TEX15: variants seen among roughly 807,000 people sequenced by gnomAD.
TEX15 encodes the protein testis-expressed protein 15.
In TEX15, 171 loss-of-function variants were observed where a neutral mutation model predicts 237.3. That is an observed-to-expected ratio of 0.72 (90% confidence interval 0.64 to 0.82). The LOEUF (loss-of-function observed/expected upper bound fraction) is 0.82. TEX15 is among the 40% of genes least tolerant of loss of function. TEX15 has a pLI of 0.00. For synonymous variants in TEX15, 1,338 were observed against 1,269.8 expected (o/e 1.05, Z -1.14); for missense variants, 3,750 against 3,646.5 (o/e 1.03, Z -0.73).
chr8:30,874,397 T>C (rs926858188), intron 4 of TEX15, among the ~76,000 whole-genome samples: 2 of 152,208 alleles, frequency 1.3e-5, no homozygotes, highest in African/African-American at 2.4e-5. Flanking sequence ...ACTTTGCATA[T>C]GCTCTTATTC....
rs1215810229 is a variant in TEX15, at chr8:30,833,298, A to G, written c.9507T>C (p.His3169=). ...CAGAAGACTATTTTCAGTGTCCTGG[A>G]TGAAAGGATTCTTGGTGCCATGGAG... ...VYAPWHQESF[H]PGH The change falls in exon 11 of 11, where the codon CAT becomes CAC. Residue 3169 remains histidine (H), a synonymous_variant. Coordinates refer to ENST00000643185, the MANE Select transcript of TEX15 (RefSeq NM_001350162.2). 1 of 1,596,660 alleles carries G rather than the reference A, an allele frequency of 6.3e-7. No individual in the cohort carries two copies. Among genetic ancestry groups the G allele is most frequent in the South Asian group, 1.1e-5 (1 of 87,392 alleles).
At chr8:30,904,298 C>G (rs1809056953) in intron 1 of TEX15, among the ~76,000 whole-genome samples, 1 of 151,842 alleles carries the variant, frequency 6.6e-6, no homozygotes, top group Non-Finnish European at 1.5e-5. Context: ...AATATAAAAA[C>G]TAGCCGGGTG....
rs1446075333 is a variant in TEX15, at chr8:30,846,006, T to A, written c.4161A>T (p.Leu1387Phe). ...TGTGAACTCTTCTATGAGCTTTTTT[T>A]AAGTGAACAACTGCTTTGTCTAGTT... Reference protein sequence around the residue: ...SRKLDKAVVHLKKAHRRVHTS... With the variant: ...SRKLDKAVVHFKKAHRRVHTS... The change falls in exon 8 of 11, where the codon TTA (leucine) becomes TTT (phenylalanine). Residue 1387 changes from leucine to phenylalanine, a missense_variant. Physicochemically the swap from Leu to Phe is conservative, Grantham distance 22. Transcript: ENST00000643185. The A allele has an allele frequency of 6.2e-7, 1 of 1,612,928 alleles. No homozygotes were observed. Among genetic ancestry groups the A allele is most frequent in the Non-Finnish European group, 8.5e-7 (1 of 1,179,530 alleles).
rs1159934993 is a variant in TEX15 at position 30,837,433 on chromosome 8, T to C, written c.8851A>G (p.Ile2951Val). 1.2e-6 allele frequency: 2 copies of C among 1,614,094 alleles called. No homozygotes were observed. Among genetic ancestry groups the C allele is most frequent in the African/African-American group, 2.7e-5 (2 of 74,946 alleles). The stretch of plus-strand genomic sequence containing the variant: ...GTTTCTGTAGGCTGTAGTTTGTTTA[T>C]CTGCAGAGTAGGAATTTTGTTCTGG... ...CIQNKIPTLQ[I>V]NKLQPTETES... The change falls in exon 10 of 11, where the codon ATA becomes GTA. Residue 2951 changes from isoleucine (I) to valine (V), a missense_variant. Coordinates refer to ENST00000643185, the MANE Select transcript of TEX15 (RefSeq NM_001350162.2).
chr8:30,894,844 C>T (rs553519532), intron 2 of TEX15, among the ~76,000 whole-genome samples: 1 of 152,064 alleles, frequency 6.6e-6, no homozygotes, highest in Non-Finnish European at 1.5e-5. Context: ...AAAGGTGGTG[C>T]CTTCATGAAG....
chr8:30,888,747 G>T, intron 2 of TEX15: 1 of 973,138 alleles, frequency 1.0e-6, no homozygotes, highest in Non-Finnish European at 1.4e-6. Flanking sequence ...GATCACAAAG[G>T]ATAAGGTTCT....
chr8:30,895,924 C>T (rs778583934), intron 2 of TEX15, among the ~76,000 whole-genome samples: 1 of 152,054 alleles, frequency 6.6e-6, no homozygotes, highest in African/African-American at 2.4e-5. Flanking sequence ...CGTGATCCAT[C>T]CACCTTGGCC....
Position 30,845,964 on chromosome 8 carries a change from T to G in TEX15, c.4203A>C (p.Ile1401=), listed in dbSNP as rs1236021901. 2 of 1,613,036 alleles carry G rather than the reference T, an allele frequency of 1.2e-6. No homozygotes were observed. The highest frequency in any genetic ancestry group is 1.7e-5 in the Admixed American group (1 of 59,888). The change falls in exon 8 of 11, where the codon ATA becomes ATC. Residue 1401 remains isoleucine, a synonymous_variant. Transcript: ENST00000643185. Reference sequence around the variant, plus strand: ...CCTTTCTTTCTTCTCCTACTTTAGTTATAAGCTGCAAAGATGTGTGAACTC... The same window carrying G: ...CCTTTCTTTCTTCTCCTACTTTAGTGATAAGCTGCAAAGATGTGTGAACTC... ...HRRVHTSLQL[I]TKVGEERKGP...
intron 3 of TEX15, chr8:30,886,900 T>G: frequency 3.7e-6 from 1 of 271,572 alleles, no homozygotes; most frequent in South Asian, 1.1e-4. Context: ...CATTCCCTAG[T>G]TGGTTGGTCT....
At chr8:30,881,065 T>C (rs1316162108) in intron 3 of TEX15, among the ~76,000 whole-genome samples, 1 of 152,172 alleles carries the variant, frequency 6.6e-6, no homozygotes, top group Non-Finnish European at 1.5e-5. Context: ...CAACTTCCAG[T>C]ATTATGTTGA....
intron 2 of TEX15, among the ~76,000 whole-genome samples, chr8:30,895,881 A>G (rs1270040900): frequency 2.6e-5 from 4 of 151,756 alleles, no homozygotes; most frequent in Non-Finnish European, 5.9e-5. Flanking sequence ...GGGTTTCACC[A>G]TGTTGGCCAG....
At position 30,847,960 on chromosome 8, in the gene TEX15, T is replaced by C. The variant is rs1807661954; in HGVS notation, c.2207A>G (p.His736Arg). Residue 736 changes from histidine (H) to arginine (R), a missense_variant, in exon 8 of 11, where the codon CAT (histidine) becomes CGT (arginine). Physicochemically the swap from His to Arg is conservative, Grantham distance 29. Transcript: ENST00000643185. ...QHSVEYEGNI[H>R]TSLAIAQKLM... is the part of the protein sequence containing the mutation. ...CTTTTGAGCAATGGCTAAACTTGTA[T>C]GAATGTTACCCTCATACTCCACAGA... The C allele has an allele frequency of 6.2e-7, 1 of 1,613,894 alleles. No individual in the cohort carries two copies. Among genetic ancestry groups the C allele is most frequent in the Admixed American group, 1.7e-5 (1 of 59,998 alleles).
At chr8:30,911,785 G>C (rs1179718056) in intron 1 of TEX15, among the ~76,000 whole-genome samples, 1 of 152,098 alleles carries the variant, frequency 6.6e-6, no homozygotes. Flanking sequence ...GCCTCAAACC[G>C]AGCATTCCAA....
chr8:30,846,792 A>G lies in TEX15; in HGVS notation c.3375T>C (p.Ser1125=). 1 of 1,613,884 alleles carries G rather than the reference A, an allele frequency of 6.2e-7. No homozygotes were observed. The highest frequency in any genetic ancestry group is 1.1e-5 in the South Asian group (1 of 91,076). The change falls in exon 8 of 11, where the codon AGT becomes AGC. Residue 1125 remains serine, a synonymous_variant. Coordinates refer to ENST00000643185, the MANE Select transcript of TEX15 (RefSeq NM_001350162.2). The part of the protein sequence containing the change: ...VLESTTGREN[S]DQHYSKESNY... ...TACTTTCCTTAGAATAATGCTGATC[A>G]CTATTCTCCCTTCCTGTGGTGCTTT...
chr8:30,894,297 A>G lies in TEX15; in HGVS notation c.-10+4445T>C, dbSNP rs186097046. On this transcript the variant is annotated intron_variant, in intron 2 of 10. Transcript: ENST00000643185. ...GACTGTACTCCAGCCTGGGCAACAT[A>G]GCAATGTAGCAAGAAAAAAAATTCT... is the stretch of plus-strand genomic sequence containing the variant. Among the ~76,000 whole-genome samples, 458 of 152,296 alleles carry G rather than the reference A, an allele frequency of 3.0e-3. 2 individuals carry two copies. The highest frequency in any genetic ancestry group is 0.01 in the African/African-American group (416 of 41,550).
At chr8:30,908,251 G>A (rs1382915174) in intron 1 of TEX15, among the ~76,000 whole-genome samples, 2 of 151,904 alleles carry the variant, frequency 1.3e-5, no homozygotes, top group Non-Finnish European at 2.9e-5. Flanking sequence ...GTAGAGGCAG[G>A]GCATTGCTAT....
chr8:30,893,241 G>A (rs961039557), intron 2 of TEX15, among the ~76,000 whole-genome samples: 3 of 152,152 alleles, frequency 2.0e-5, no homozygotes, highest in African/African-American at 7.2e-5. Context: ...CACAGAGCTA[G>A]GAAGGGCAGA....
intron 2 of TEX15, among the ~76,000 whole-genome samples, chr8:30,891,424 C>T (rs907881006): frequency 6.6e-6 from 1 of 152,104 alleles, no homozygotes; most frequent in Non-Finnish European, 1.5e-5. Flanking sequence ...TTACTTTCTG[C>T]CAACCTGACA....
chr8:30,882,658 G>A (rs558065927), intron 3 of TEX15, among the ~76,000 whole-genome samples: 138 of 152,264 alleles, frequency 9.1e-4, no homozygotes, highest in African/African-American at 3.3e-3. Context: ...TGTTCCACAG[G>A]TGCTTGAAAG....
Sources: gnomAD v4.1 joint callset for allele counts (sites outside exome capture counted in the v4.1 genomes callset) on GRCh38, gnomAD v4.1.1 for gene constraint, MANE v1.5 for transcripts, NCBI Gene and HGNC (gene_info 2026-07-23, HGNC 2026-07-21) for gene names.